GOLGA4: variants seen among roughly 807,000 people sequenced by gnomAD.
GOLGA4 encodes golgin A4, also known as golgin subfamily A member 4.
Under a neutral mutation model 265.9 loss-of-function variants are expected in GOLGA4, and 169 were observed. The ratio of observed to expected loss-of-function variants is 0.64; its 90% CI spans 0.56 to 0.72. The LOEUF is 0.72. GOLGA4 is among the 30% of genes least tolerant of loss of function. The probability of loss-of-function intolerance (pLI) is 0.00; values close to 1 mark genes in which losing one functional copy is unlikely to be tolerated. For missense variants in GOLGA4, 2,482 were observed against 2,483.4 expected (o/e 1.00, Z 0.01); for synonymous variants, 923 against 855.8 (o/e 1.08, Z -1.37).
At chr3:37,332,772 A>AT (rs1007388179) in intron 16 of GOLGA4, among the ~76,000 whole-genome samples, 6 of 151,852 alleles carry the variant, frequency 4.0e-5, no homozygotes, top group African/African-American at 1.5e-4. Context: ...ATATATTCTT[A>AT]TTTTTTATTT....
intron 10 of GOLGA4, among the ~76,000 whole-genome samples, chr3:37,309,625 T>C (rs1206878244): frequency 6.6e-6 from 1 of 152,234 alleles, no homozygotes. Context: ...CATGTTAGCA[T>C]AAATACTTTT....
At chr3:37,354,475 CT>C (rs2097084783) in intron 21 of GOLGA4, among the ~76,000 whole-genome samples, 2 of 152,012 alleles carry the variant, frequency 1.3e-5, no homozygotes, top group East Asian at 3.9e-4. Context: ...GACAGTCTGA[CT>C]TACGGTATAT....
chr3:37,361,063 A>G (rs1400142060), intron 22 of GOLGA4, among the ~76,000 whole-genome samples, 180 bp from the exon 23 acceptor site: 1 of 152,154 alleles, frequency 6.6e-6, no homozygotes, highest in African/African-American at 2.4e-5. Flanking sequence ...TTTACCTAGG[A>G]TATGGGGGGA....
chr3:37,352,970 C>G (rs1394952620), intron 21 of GOLGA4, among the ~76,000 whole-genome samples: 1 of 152,020 alleles, frequency 6.6e-6, no homozygotes, highest in East Asian at 1.9e-4. Flanking sequence ...TGCGAGTCTT[C>G]CTTTTACTTG....
At chr3:37,329,649 TTAC>T in intron 16 of GOLGA4, among the ~76,000 whole-genome samples, 1 of 152,324 alleles carries the variant, frequency 6.6e-6, no homozygotes, top group East Asian at 1.9e-4. Context: ...TTCAAAATAC[TTAC>T]TCTACTAATG....
In GOLGA4 at chr3:37,355,121, C is replaced by T. The variant is rs78531765; in HGVS notation, c.6597C>T (p.Thr2199=). ...TGTAGACCATGGCAAAAGTTATAAC[C>T]ACCGTACTGAAGTTCCCTGATGATC... is the stretch of plus-strand genomic sequence containing the variant. ...RETKTMAKVI[T]TVLKFPDDQT... The change falls in exon 22 of 24, where the codon ACC becomes ACT. Residue 2199 remains threonine, a synonymous_variant. Transcript: ENST00000361924. The T allele has an allele frequency of 6.2e-7, 1 of 1,603,348 alleles. No individual in the cohort carries two copies. Among genetic ancestry groups the T allele is most frequent in the African/African-American group, 1.3e-5 (1 of 74,628 alleles).
At chr3:37,303,814 A>G (rs187286712) in intron 10 of GOLGA4, among the ~76,000 whole-genome samples, 1 of 152,318 alleles carries the variant, frequency 6.6e-6, no homozygotes, top group East Asian at 1.9e-4. Flanking sequence ...TACTATTGTT[A>G]ATACTACTGC....
intron 5 of GOLGA4, among the ~76,000 whole-genome samples, chr3:37,290,670 G>T (rs1022464978): frequency 6.6e-6 from 1 of 152,166 alleles, no homozygotes; most frequent in Non-Finnish European, 1.5e-5. Context: ...CACTTTGGAA[G>T]TTATAGAGAA....
chr3:37,343,002 C>G (rs1167872545), intron 20 of GOLGA4, among the ~76,000 whole-genome samples: 6 of 152,158 alleles, frequency 3.9e-5, no homozygotes, highest in Non-Finnish European at 8.8e-5. Flanking sequence ...TGGGTTCAAG[C>G]GATTCTTCTG....
At chr3:37,245,811 G>A (rs1030866467) in intron 1 of GOLGA4, among the ~76,000 whole-genome samples, 1 of 151,896 alleles carries the variant, frequency 6.6e-6, no homozygotes, top group Non-Finnish European at 1.5e-5. Flanking sequence ...TGATCCGCCA[G>A]CCCCGGCCTC....
At chr3:37,291,855 T>C (rs1019622615) in intron 5 of GOLGA4, among the ~76,000 whole-genome samples, 2 of 152,150 alleles carry the variant, frequency 1.3e-5, no homozygotes, top group Non-Finnish European at 2.9e-5. Flanking sequence ...TTAATACTTA[T>C]CAGAGTCACA....
rs746991665 is a variant in GOLGA4, at chr3:37,282,017, T to C, written c.222T>C (p.Ser74=). The C allele has an allele frequency of 6.2e-7, 1 of 1,614,164 alleles. No individual in the cohort carries two copies. Among genetic ancestry groups the C allele is most frequent in the Admixed American group, 1.7e-5 (1 of 60,020 alleles). ...KLQLRVPSVE[S]LFRSPIKESL... ...AGCTCCGGGTGCCCTCCGTGGAGTCTTTGTTTCGAAGTCCGATAAAGGAAT... is the reference window on the plus strand; with the variant it reads ...AGCTCCGGGTGCCCTCCGTGGAGTCCTTGTTTCGAAGTCCGATAAAGGAAT... The change falls in exon 3 of 24, where the codon TCT becomes TCC. Residue 74 remains serine, a synonymous_variant. Coordinates refer to ENST00000361924, the MANE Select transcript of GOLGA4 (RefSeq NM_002078.5).
chr3:37,338,861 C>CTTTTT (rs1284511741), intron 19 of GOLGA4, among the ~76,000 whole-genome samples: 4 of 129,930 alleles, frequency 3.1e-5, no homozygotes, highest in Non-Finnish European at 6.6e-5. Flanking sequence ...TTATGTTAGG[C>CTTTTT]TTTTTTTTTT....
At chr3:37,290,449 G>A (rs1217762203) in intron 5 of GOLGA4, among the ~76,000 whole-genome samples, 2 of 151,928 alleles carry the variant, frequency 1.3e-5, no homozygotes, top group Non-Finnish European at 2.9e-5. Flanking sequence ...AATTTTTGTG[G>A]TATGAAAGAA....
chr3:37,266,482 G>C (rs985135693), intron 2 of GOLGA4, among the ~76,000 whole-genome samples: 1 of 152,198 alleles, frequency 6.6e-6, no homozygotes, highest in South Asian at 2.1e-4. Flanking sequence ...ACAGGCCTGA[G>C]CCACTGCGCC....
At chr3:37,299,131 T>A (rs2096886342) in intron 8 of GOLGA4, 111 bp downstream of exon 8, 1 of 1,017,252 alleles carries the variant, frequency 9.8e-7, no homozygotes, top group South Asian at 1.6e-5. Context: ...AGGGCATTTT[T>A]GTTTGCCCTG....
rs2096912155 is a variant in GOLGA4 at position 37,308,079 on chromosome 3, A to G, written c.1234+5747A>G. ...TAAACCCCATCTCTACTAAAAATAT[A>G]AAAATTAGCCGGGCATGGTGGCGTG... On this transcript the variant is annotated intron_variant, in intron 10 of 23. Coordinates refer to ENST00000361924, the MANE Select transcript of GOLGA4 (RefSeq NM_002078.5). 2.0e-5 allele frequency among the ~76,000 whole-genome samples: 3 copies of G among 152,108 alleles called. No homozygotes were observed. The South Asian group carries it at 6.2e-4, about 32-fold the overall frequency.
At chr3:37,357,268 A>G (rs1461455576) in intron 22 of GOLGA4, among the ~76,000 whole-genome samples, 1 of 152,128 alleles carries the variant, frequency 6.6e-6, no homozygotes, top group Admixed American at 6.5e-5. Context: ...TATTCCTTTA[A>G]GCAAAGTCTC....
intron 20 of GOLGA4, among the ~76,000 whole-genome samples, chr3:37,346,772 A>G (rs892538243): frequency 3.1e-4 from 47 of 152,180 alleles, no homozygotes; most frequent in Non-Finnish European, 7.4e-5. Context: ...TTCCTCTCCT[A>G]GTAGTACACG....
Sources: allele counts gnomAD v4.1 joint callset (sites outside exome capture counted in the v4.1 genomes callset), GRCh38; gene constraint gnomAD v4.1.1; transcripts MANE v1.5; gene names NCBI Gene and HGNC (gene_info 2026-07-23, HGNC 2026-07-21).